Variants in CDK14 observed in about 807,000 individuals in gnomAD.
The protein encoded by CDK14 is cyclin-dependent kinase 14.
A neutral mutation model predicts 60.7 loss-of-function variants in CDK14; 34 were observed. The observed-to-expected ratio is 0.56, with a 90% CI of 0.43 to 0.75. The LOEUF is 0.75. Among genes scored for constraint, CDK14 ranks in the 30% least tolerant of loss-of-function variants. The pLI, the probability that CDK14 is intolerant of heterozygous loss-of-function variation, is 0.00. For synonymous variants in CDK14, 197 were observed against 203.7 expected, an observed-to-expected ratio of 0.97 and a Z score of 0.28; for missense variants, 482 against 564.1, an observed-to-expected ratio of 0.85 and a Z score of 1.47.
intron 3 of CDK14, among the ~76,000 whole-genome samples, chr7:90,738,897 C>CTT (rs10640762): frequency 3.1e-3 from 467 of 150,462 alleles, no homozygotes; most frequent in East Asian, 5.4e-3. Context: ...CTGAATTATT[C>CTT]TTTTTTTTTT....
chr7:90,670,150 T>G (rs885973), intron 2 of CDK14, among the ~76,000 whole-genome samples: 46,370 of 152,026 alleles, frequency 0.31, 7,956 homozygotes, highest in East Asian at 0.67. Context: ...CTGTAGGAAG[T>G]AGGTATAGCA....
At chr7:91,039,937 T>A (rs888631481) in intron 10 of CDK14, among the ~76,000 whole-genome samples, 1 of 151,958 alleles carries the variant, frequency 6.6e-6, no homozygotes, top group Non-Finnish European at 1.5e-5. Context: ...AAATAAAAAA[T>A]TTAGTAGAAT....
chr7:91,085,977 G>A (rs1387206728), intron 12 of CDK14, among the ~76,000 whole-genome samples: 1 of 152,146 alleles, frequency 6.6e-6, no homozygotes, highest in Admixed American at 6.5e-5. Context: ...TGTGATTTAG[G>A]AACTGAATTT....
intron 4 of CDK14, among the ~76,000 whole-genome samples, chr7:90,786,414 G>C (rs1805584354): frequency 6.6e-6 from 1 of 152,090 alleles, no homozygotes; most frequent in South Asian, 2.1e-4. Context: ...GATTCAATTT[G>C]AATTTTGTGA....
chr7:90,625,059 C>G (rs947554680), intron 2 of CDK14, among the ~76,000 whole-genome samples: 7 of 152,202 alleles, frequency 4.6e-5, no homozygotes, highest in African/African-American at 1.7e-4. Context: ...AGTAAATTCT[C>G]TACTAAAAGT....
intron 9 of CDK14, among the ~76,000 whole-genome samples, chr7:90,966,119 C>T (rs934281814): frequency 9.2e-5 from 14 of 152,138 alleles, no homozygotes; most frequent in African/African-American, 3.1e-4. Context: ...TCTCTGTCGT[C>T]ACTTTCTAGA....
chr7:90,820,356 C>G (rs1429482607), intron 5 of CDK14, among the ~76,000 whole-genome samples: 1 of 152,118 alleles, frequency 6.6e-6, no homozygotes, highest in East Asian at 1.9e-4. Flanking sequence ...CAAATCTCAT[C>G]TCAAATTGTA....
intron 14 of CDK14, among the ~76,000 whole-genome samples, chr7:91,198,268 A>C (rs1464131460): frequency 6.6e-6 from 1 of 152,172 alleles, no homozygotes; most frequent in Non-Finnish European, 1.5e-5. Flanking sequence ...GTGGGGGGGA[A>C]ATAAGGTAAA....
At chr7:90,984,087 A>G in intron 9 of CDK14, 61 bp from the exon 10 acceptor site, 1 of 1,049,466 alleles carries the variant, frequency 9.5e-7, no homozygotes, top group Non-Finnish European at 1.5e-6. Flanking sequence ...CTAATTCCAG[A>G]TTTAGTTTTC....
intron 10 of CDK14, among the ~76,000 whole-genome samples, chr7:90,988,754 T>TG (rs1795447309): frequency 6.6e-6 from 1 of 152,036 alleles, no homozygotes; most frequent in Non-Finnish European, 1.5e-5. Flanking sequence ...TCATGGCCCA[T>TG]TGTGTGACAG....
chr7:90,632,263 AG>A (rs1204689721), intron 2 of CDK14: 1 of 227,442 alleles, frequency 4.4e-6, no homozygotes, highest in East Asian at 1.2e-4. Flanking sequence ...GTCCAGGAAG[AG>A]CCACTGGGAG....
intron 14 of CDK14, among the ~76,000 whole-genome samples, chr7:91,134,560 A>G (rs1446959321): frequency 6.6e-6 from 1 of 152,076 alleles, no homozygotes; most frequent in Non-Finnish European, 1.5e-5. Flanking sequence ...ATAAATTTTG[A>G]GAAGAAAATT....
chr7:90,617,584 A>G (rs1273535964), intron 2 of CDK14, among the ~76,000 whole-genome samples: 2 of 152,154 alleles, frequency 1.3e-5, no homozygotes, highest in African/African-American at 4.8e-5. Flanking sequence ...AGGGAGATTA[A>G]ATCATTATGT....
intron 2 of CDK14, among the ~76,000 whole-genome samples, chr7:90,626,116 T>C (rs1799870983): frequency 6.6e-6 from 1 of 152,202 alleles, no homozygotes; most frequent in South Asian, 2.1e-4. Context: ...ATTGGGATTG[T>C]GGTTTTACTT....
intron 14 of CDK14, among the ~76,000 whole-genome samples, chr7:91,193,813 A>C (rs1224613641): frequency 6.6e-6 from 1 of 152,146 alleles, no homozygotes; most frequent in Non-Finnish European, 1.5e-5. Flanking sequence ...TGATCAAGAT[A>C]GCCCTCCAGT....
chr7:91,168,581 T>C (rs1451634069), intron 14 of CDK14, among the ~76,000 whole-genome samples: 1 of 152,230 alleles, frequency 6.6e-6, no homozygotes, highest in Admixed American at 6.5e-5. Flanking sequence ...TGAATTTTTC[T>C]CTCTTAAAAA....
intron 2 of CDK14, among the ~76,000 whole-genome samples, chr7:90,715,903 T>A (rs1802231921): frequency 6.6e-6 from 1 of 151,800 alleles, no homozygotes; most frequent in African/African-American, 2.4e-5. Flanking sequence ...TGTGTCCCAT[T>A]TCTGAGCCCT....
intron 2 of CDK14, among the ~76,000 whole-genome samples, chr7:90,609,571 A>G (rs1360326582): frequency 2.0e-5 from 3 of 152,130 alleles, no homozygotes; most frequent in Middle Eastern, 3.2e-3. Context: ...AGCTTCTGCC[A>G]TGTAAGAAGC....
In CDK14 at chr7:90,955,644, C is replaced by A. The variant is rs1584164397; in HGVS notation, c.827-53C>A. On this transcript the variant is annotated intron_variant, in intron 8 of 14. Coordinates refer to ENST00000380050, the MANE Select transcript of CDK14 (RefSeq NM_001287135.2). ...GAATGTGAACGTTCAAATTTAAATT[C>A]CCTTGTTTTGCTAATGCCTGTTAAA... is the stretch of plus-strand genomic sequence containing the variant. 7.5e-6 allele frequency: 12 copies of A among 1,604,218 alleles called. No homozygotes were observed. In the East Asian group the frequency reaches 2.7e-4, roughly 36 times the overall value.
Sources: gnomAD v4.1 joint callset for allele counts (sites outside exome capture counted in the v4.1 genomes callset) on GRCh38, gnomAD v4.1.1 for gene constraint, MANE v1.5 for transcripts, NCBI Gene and HGNC (gene_info 2026-07-23, HGNC 2026-07-21) for gene names.